CYP2C19: variants seen among roughly 807,000 people sequenced by gnomAD.
CYP2C19 encodes cytochrome P450 2C19.
In CYP2C19, 59 loss-of-function variants were observed where a neutral mutation model predicts 40.9. The observed-to-expected ratio is 1.44, with a 90% confidence interval of 1.17 to 1.79. CYP2C19 has a LOEUF of 1.79. Ranked by LOEUF, CYP2C19 falls within the 40% of genes most tolerant of loss-of-function variation. The pLI is 0.00. For missense variants in CYP2C19, 754 were observed against 596.9 expected, an observed-to-expected ratio of 1.26 and a Z score of -2.74; for synonymous variants, 253 against 208.7, an observed-to-expected ratio of 1.21 and a Z score of -1.83.
chr10:94,824,394 C>A (rs148751606), intron 6 of CYP2C19, among the ~76,000 whole-genome samples: 10 of 151,872 alleles, frequency 6.6e-5, no homozygotes, highest in Non-Finnish European at 1.5e-5. Context: ...TATTTAGAAA[C>A]GTGAATGTAT....
chr10:94,842,718 A>G, intron 6 of CYP2C19, 119 bp from the exon 7 acceptor site: 1 of 1,116,426 alleles, frequency 9.0e-7, no homozygotes. Flanking sequence ...TTCCAGCACT[A>G]TAATTTAAAT....
At chr10:94,798,685 C>T (rs549582750) in intron 5 of CYP2C19, among the ~76,000 whole-genome samples, 13 of 152,062 alleles carry the variant, frequency 8.5e-5, no homozygotes, top group African/African-American at 3.1e-4. Flanking sequence ...GTATTGGGTG[C>T]ATATATATTT....
chr10:94,828,702 C>T (rs1849273231), intron 6 of CYP2C19, among the ~76,000 whole-genome samples: 3 of 151,308 alleles, frequency 2.0e-5, no homozygotes, highest in Admixed American at 6.6e-5. Context: ...TTGATCCTGT[C>T]ATTATGATGT....
chr10:94,804,352 G>A (rs983363748), intron 5 of CYP2C19, among the ~76,000 whole-genome samples: 1 of 152,202 alleles, frequency 6.6e-6, no homozygotes, highest in Non-Finnish European at 1.5e-5. Flanking sequence ...AATTATGGCT[G>A]TGGAGGCCCC....
intron 6 of CYP2C19, among the ~76,000 whole-genome samples, chr10:94,824,554 CTT>C (rs754681284): frequency 6.6e-6 from 1 of 152,160 alleles, no homozygotes; most frequent in African/African-American, 2.4e-5. Context: ...GTTAGCATAA[CTT>C]AATGTTTAAA....
chr10:94,807,553 CTG>C (rs980813495), intron 5 of CYP2C19, among the ~76,000 whole-genome samples: 2 of 151,946 alleles, frequency 1.3e-5, no homozygotes, highest in African/African-American at 4.8e-5. Flanking sequence ...CCAGCGTTGG[CTG>C]TCTTTTGTCT....
Position 94,854,640 on chromosome 10 carries a change from T to C in CYP2C19, c.*1726T>C, listed in dbSNP as rs1327012387. On this transcript the variant is annotated 3_prime_UTR_variant, in exon 9 of 9. Transcript: ENST00000371321. ...GGGTACAGATGTACATGTACATCTA[T>C]GCATGTGTGTGTACATTATGTGCAT... Among the ~76,000 whole-genome samples, 2 of 152,138 alleles carry C rather than the reference T, an allele frequency of 1.3e-5. No individual in the cohort carries two copies. The highest frequency in any genetic ancestry group is 2.9e-5 in the Non-Finnish European group (2 of 68,024).
chr10:94,834,040 CT>C (rs1327560119), intron 6 of CYP2C19, among the ~76,000 whole-genome samples: 1 of 152,056 alleles, frequency 6.6e-6, no homozygotes, highest in Admixed American at 6.5e-5. Flanking sequence ...GTATTCTCTT[CT>C]CCTTTATTTT....
chr10:94,826,862 G>A (rs1397094861), intron 6 of CYP2C19, among the ~76,000 whole-genome samples: 2 of 152,092 alleles, frequency 1.3e-5, no homozygotes, highest in Non-Finnish European at 2.9e-5. Flanking sequence ...AGAGTTTTTA[G>A]CATGAAGGGC....
chr10:94,777,328 G>T (rs536732675), intron 3 of CYP2C19, among the ~76,000 whole-genome samples: 1 of 152,190 alleles, frequency 6.6e-6, no homozygotes, highest in Admixed American at 6.5e-5. Flanking sequence ...AACCAAAAAA[G>T]AGCTTGTAAA....
At chr10:94,840,228 C>A (rs889952168) in intron 6 of CYP2C19, among the ~76,000 whole-genome samples, 1 of 142,802 alleles carries the variant, frequency 7.0e-6, no homozygotes. Context: ...ATGGGGCACA[C>A]TTTTTTTTTT....
chr10:94,854,950 T>G lies in CYP2C19; in HGVS notation c.*2036T>G, dbSNP rs1005308090. Among the ~76,000 whole-genome samples the G allele has an allele frequency of 1.3e-5, 2 of 152,222 alleles. No homozygotes were observed. The highest frequency in any genetic ancestry group is 2.9e-5 in the Non-Finnish European group (2 of 68,042). On this transcript the variant is annotated 3_prime_UTR_variant, in exon 9 of 9. Transcript: ENST00000371321. ...TCATTGGGAAATGAAAATGTATTAATGTAGTGTTAGTAGAGGTGTTGACAA... is the reference window on the plus strand; with the variant it reads ...TCATTGGGAAATGAAAATGTATTAAGGTAGTGTTAGTAGAGGTGTTGACAA...
intron 1 of CYP2C19, among the ~76,000 whole-genome samples, chr10:94,768,684 A>T (rs2134231532): frequency 6.6e-6 from 1 of 151,526 alleles, no homozygotes; most frequent in Middle Eastern, 3.4e-3. Flanking sequence ...CACCACAACT[A>T]CCCATAAACA....
chr10:94,841,046 G>A (rs973636722), intron 6 of CYP2C19, among the ~76,000 whole-genome samples: 2 of 151,902 alleles, frequency 1.3e-5, no homozygotes, highest in African/African-American at 4.9e-5. Context: ...TCCCAAGATG[G>A]TGGTGATCCA....
Position 94,775,237 on chromosome 10 carries a change from C to T in CYP2C19, c.331+17C>T. The T allele has an allele frequency of 1.9e-6, 3 of 1,613,988 alleles. No individual in the cohort carries two copies. Among genetic ancestry groups the T allele is most frequent in the Non-Finnish European group, 2.5e-6 (3 of 1,180,020 alleles). ...GAGGATTTGGTAGGTGTGCAAGTGC[C>T]TGTTTCAGCATCTGTCTTGGGGATG... On this transcript the variant is annotated intron_variant, in intron 2 of 8. Coordinates refer to ENST00000371321, the MANE Select transcript of CYP2C19 (RefSeq NM_000769.4).
chr10:94,808,454 G>T (rs931188954), intron 5 of CYP2C19, among the ~76,000 whole-genome samples: 4 of 152,056 alleles, frequency 2.6e-5, no homozygotes, highest in Non-Finnish European at 5.9e-5. Context: ...TACTCTTTAA[G>T]TTATTTAAAA....
In CYP2C19 at chr10:94,852,799, T is replaced by C; in HGVS notation, c.1358T>C (p.Leu453Ser). 1.9e-6 allele frequency: 3 copies of C among 1,614,102 alleles called. No homozygotes were observed. In the East Asian group the frequency reaches 6.7e-5, roughly 36 times the overall value. ...MELFLFLTFI[L>S]QNFNLKSLID... ...CTGTTTTTATTCCTGACCTTCATTT[T>C]ACAGAACTTTAACCTGAAATCTCTG... Residue 453 changes from leucine to serine, a missense_variant, in exon 9 of 9, where the codon TTA (leucine) becomes TCA (serine). Coordinates refer to ENST00000371321, the MANE Select transcript of CYP2C19 (RefSeq NM_000769.4).
intron 5 of CYP2C19, among the ~76,000 whole-genome samples, chr10:94,810,753 TTC>T (rs934408689): frequency 6.6e-6 from 1 of 152,148 alleles, no homozygotes; most frequent in Non-Finnish European, 1.5e-5. Flanking sequence ...CATTTTTTTG[TTC>T]TCTCTATTTG....
At chr10:94,817,060 G>A (rs1032583294) in intron 5 of CYP2C19, among the ~76,000 whole-genome samples, 1 of 134,230 alleles carries the variant, frequency 7.4e-6, no homozygotes, top group South Asian at 2.8e-4. Context: ...TGTCTTTATA[G>A]CAGCATGATT....
Sources: gnomAD v4.1 joint callset for allele counts (sites outside exome capture counted in the v4.1 genomes callset) on GRCh38, gnomAD v4.1.1 for gene constraint, MANE v1.5 for transcripts, NCBI Gene and HGNC (gene_info 2026-07-23, HGNC 2026-07-21) for gene names.